The following ZNF69 variants were observed in gnomAD, a reference collection of about 807,000 sequenced individuals.
ZNF69 encodes the protein zinc finger protein 69, also known as ZNF3.
Under a neutral mutation model 50.9 loss-of-function variants are expected in ZNF69, and 47 were observed. That is an observed-to-expected ratio of 0.92 (90% confidence interval 0.73 to 1.18). The LOEUF (loss-of-function observed/expected upper bound fraction) is 1.18, where lower values mean the gene tolerates loss of function less well. ZNF69 is among the 50% of genes most tolerant of loss of function. ZNF69 has a pLI of 0.00. For missense variants in ZNF69, 717 were observed against 675.1 expected (o/e 1.06, Z -0.69); for synonymous variants, 216 against 223.1 (o/e 0.97, Z 0.29).
the ZNF69 span, chr19:11,946,686 A>C: frequency 6.6e-6 from 1 of 152,494 alleles, no homozygotes; most frequent in Non-Finnish European, 1.5e-5. Flanking sequence ...TCTCACACAA[A>C]GTTCTAAGTT....
At chr19:11,935,779 A>G in the ZNF69 span, among the ~76,000 whole-genome samples, 1 of 152,170 alleles carries the variant, frequency 6.6e-6, no homozygotes, top group Non-Finnish European at 1.5e-5. Flanking sequence ...CATAGGTATA[A>G]CATGTGCCGT....
At chr19:11,952,121 G>A in the ZNF69 span, among the ~76,000 whole-genome samples, 1 of 152,084 alleles carries the variant, frequency 6.6e-6, no homozygotes, top group South Asian at 2.1e-4. Flanking sequence ...AGAGGTTGCA[G>A]TGAGCCAAGA....
At chr19:11,971,064 T>C in the ZNF69 span, among the ~76,000 whole-genome samples, 1 of 152,216 alleles carries the variant, frequency 6.6e-6, no homozygotes, top group Non-Finnish European at 1.5e-5. Context: ...CTGCAGTGTA[T>C]AGTAGGGATA....
At chr19:11,939,170 A>G in the ZNF69 span, among the ~76,000 whole-genome samples, 31 of 152,084 alleles carry the variant, frequency 2.0e-4, no homozygotes, top group South Asian at 8.3e-4. Flanking sequence ...CTCCCATTCT[A>G]TAGGTTGCCT....
chr19:11,916,289 G>T (rs1455186596), downstream of ZNF69, among the ~76,000 whole-genome samples: 1 of 152,076 alleles, frequency 6.6e-6, no homozygotes, highest in Non-Finnish European at 1.5e-5. Flanking sequence ...CATAAAATGT[G>T]CTTGTATATA....
At chr19:11,907,769 G>A (rs935901877), downstream of ZNF69, among the ~76,000 whole-genome samples, 1 of 152,128 alleles carries the variant, frequency 6.6e-6, no homozygotes, top group Non-Finnish European at 1.5e-5. Flanking sequence ...ATCAACTAAC[G>A]AGCAAAATAA....
downstream of ZNF69, among the ~76,000 whole-genome samples, chr19:11,910,769 C>G (rs1381390323): frequency 1.3e-5 from 2 of 152,152 alleles, no homozygotes; most frequent in Non-Finnish European, 2.9e-5. Flanking sequence ...TGGGCAAGGA[C>G]TTCATGATTA....
At chr19:11,948,869 A>G in the ZNF69 span, 1 of 1,604,544 alleles carries the variant, frequency 6.2e-7, no homozygotes, top group Non-Finnish European at 8.5e-7. Context: ...GAATGTAGCA[A>G]ATGTGATAAA....
At chr19:11,956,469 A>G in the ZNF69 span, 1 of 397,894 alleles carries the variant, frequency 2.5e-6, no homozygotes, top group Non-Finnish European at 4.4e-6. Flanking sequence ...ATTTTGCCGG[A>G]TTCTTCAAAC....
At chr19:11,979,589 T>C in the ZNF69 span, 49,382 of 1,600,984 alleles carry the variant, frequency 0.031, 2,271 homozygotes, top group African/African-American at 0.22. Flanking sequence ...CAGTTCCTTT[T>C]GGTACCATGA....
At chr19:11,936,067 A>G in the ZNF69 span, among the ~76,000 whole-genome samples, 1 of 152,194 alleles carries the variant, frequency 6.6e-6, no homozygotes, top group Admixed American at 6.5e-5. Context: ...GTAGTATTCC[A>G]TGGTGTATAT....
the ZNF69 span, among the ~76,000 whole-genome samples, chr19:11,967,467 C>T: frequency 3.3e-5 from 5 of 152,144 alleles, no homozygotes; most frequent in Non-Finnish European, 5.9e-5. Context: ...TGCAGTGGCG[C>T]GATCTCGGCT....
downstream of ZNF69, among the ~76,000 whole-genome samples, chr19:11,908,577 G>A (rs929969627): frequency 6.6e-6 from 1 of 152,108 alleles, no homozygotes; most frequent in Non-Finnish European, 1.5e-5. Context: ...TGACTACTGG[G>A]TACATAACAA....
the ZNF69 span, among the ~76,000 whole-genome samples, chr19:11,975,202 G>A: frequency 1.3e-4 from 20 of 151,092 alleles, no homozygotes; most frequent in Non-Finnish European, 2.7e-4. Context: ...GGGTTCAAGC[G>A]ATTCTCCTGC....
chr19:11,953,415 C>T, the ZNF69 span: 1 of 152,170 alleles, frequency 6.6e-6, no homozygotes, highest in African/African-American at 2.4e-5. Flanking sequence ...GTTCATATGC[C>T]AGGAAGGCCA....
At chr19:11,935,233 GT>G in the ZNF69 span, among the ~76,000 whole-genome samples, 2,895 of 93,166 alleles carry the variant, frequency 0.031, 27 homozygotes, top group African/African-American at 0.12. Flanking sequence ...GAAAGATCTT[GT>G]TTTTTTTTTT....
the ZNF69 span, chr19:11,979,764 A>C: frequency 6.3e-7 from 1 of 1,583,170 alleles, no homozygotes; most frequent in East Asian, 2.3e-5. Context: ...CTTCGAATCC[A>C]TGGTAGAACT....
At chr19:11,962,729 C>T in the ZNF69 span, among the ~76,000 whole-genome samples, 7 of 152,038 alleles carry the variant, frequency 4.6e-5, no homozygotes, top group African/African-American at 1.2e-4. Flanking sequence ...AGCAGTTAAC[C>T]GGAACTATCA....
the ZNF69 span, chr19:11,976,992 G>T: frequency 1.2e-6 from 2 of 1,611,352 alleles, no homozygotes; most frequent in South Asian, 1.1e-5. Flanking sequence ...GGCCCCCACT[G>T]CTGTCACTCT....
Sources: allele counts gnomAD v4.1 joint callset (sites outside exome capture counted in the v4.1 genomes callset), GRCh38; gene constraint gnomAD v4.1.1; transcripts MANE v1.5; gene names NCBI Gene and HGNC (gene_info 2026-07-23, HGNC 2026-07-21).